Variants in SEPTIN14 observed in about 807,000 individuals in gnomAD.
The protein encoded by SEPTIN14 is septin 14.
Under a neutral mutation model 53.6 loss-of-function variants are expected in SEPTIN14, and 40 were observed. That is an observed-to-expected ratio of 0.75 (90% CI 0.58 to 0.97). The LOEUF is 0.97. SEPTIN14 is among the 50% of genes least tolerant of loss of function. The pLI is 0.00. For synonymous variants in SEPTIN14, 138 were observed against 166.8 expected, an observed-to-expected ratio of 0.83 and a Z score of 1.33; for missense variants, 471 against 508.2, an observed-to-expected ratio of 0.93 and a Z score of 0.70.
chr7:55,839,678 G>A (rs866761010), intron 5 of SEPTIN14, among the ~76,000 whole-genome samples: 4 of 152,144 alleles, frequency 2.6e-5, no homozygotes, highest in Non-Finnish European at 5.9e-5. Context: ...TTACTCCCAA[G>A]GGTGCTACTC....
At chr7:55,833,758 G>C (rs566781416) in intron 6 of SEPTIN14, among the ~76,000 whole-genome samples, 2 of 142,200 alleles carry the variant, frequency 1.4e-5, no homozygotes, top group South Asian at 4.7e-4. Flanking sequence ...GAGTTGATTT[G>C]GGGAAAAAAA....
chr7:55,819,584 G>C (rs370915551), intron 6 of SEPTIN14, among the ~76,000 whole-genome samples: 1 of 151,994 alleles, frequency 6.6e-6, no homozygotes. Flanking sequence ...GCAAGACTCC[G>C]CCACACACAC....
At chr7:55,857,791 G>C (rs1475344194) in intron 2 of SEPTIN14, among the ~76,000 whole-genome samples, 2 of 151,396 alleles carry the variant, frequency 1.3e-5, no homozygotes, top group Non-Finnish European at 2.9e-5. Context: ...GTTTCACCGT[G>C]TTAGCCAGGA....
At position 55,834,649 on chromosome 7, in the gene SEPTIN14, G is replaced by C. The variant is rs182280492; in HGVS notation, c.559-63C>G. ...TCATCTCACAGTTTTTTTGTTTTTTGTTTTTTGTTTTGAGACGGAGTCTCG... is the reference window on the plus strand; with the variant it reads ...TCATCTCACAGTTTTTTTGTTTTTTCTTTTTTGTTTTGAGACGGAGTCTCG... On this transcript the variant is annotated intron_variant, in intron 5 of 9. Coordinates refer to ENST00000388975, the MANE Select transcript of SEPTIN14 (RefSeq NM_207366.3). 398 of 1,405,786 alleles carry C rather than the reference G, an allele frequency of 2.8e-4. 1 individual carries two copies. The African/African-American group carries it at 5.1e-3, about 18-fold the overall frequency. The allele number at this position is 1,405,786 out of a possible 1,614,324, so 87.1% of individuals were successfully genotyped here. A position where few individuals can be genotyped will look rare whatever the true frequency, so the allele number is the denominator to read the frequency against.
Position 55,794,350 on chromosome 7 carries a change from G to A in SEPTIN14, c.*1563C>T, listed in dbSNP as rs1788390381. The A allele has an allele frequency of 6.6e-6, 1 of 152,164 alleles. No individual in the cohort carries two copies. The highest frequency in any genetic ancestry group is 2.4e-5 in the African/African-American group (1 of 41,440). 9.4% of individuals were successfully genotyped at this position (152,164 alleles called of 1,614,324 possible). A position where few individuals can be genotyped will look rare whatever the true frequency, so the allele number is the denominator to read the frequency against. ...CCTCAGCAATATAACTCACAAACAT[G>A]TTCAGAAGCAGTAAGAAGTTACATT... On this transcript the variant is annotated 3_prime_UTR_variant, in exon 10 of 10. Coordinates refer to ENST00000388975, the MANE Select transcript of SEPTIN14 (RefSeq NM_207366.3).
At chr7:55,822,324 G>A (rs1410342795) in intron 6 of SEPTIN14, among the ~76,000 whole-genome samples, 1 of 152,174 alleles carries the variant, frequency 6.6e-6, no homozygotes, top group East Asian at 1.9e-4. Flanking sequence ...AGATGTCAAT[G>A]TTCCATAACT....
chr7:55,809,603 T>C (rs10253956), intron 7 of SEPTIN14, among the ~76,000 whole-genome samples: 86,140 of 150,872 alleles, frequency 0.57, 25,924 homozygotes, highest in African/African-American at 0.77. Context: ...GTGATCCACG[T>C]GCCTCAGCCT....
In SEPTIN14 at chr7:55,830,188, AAAG is replaced by A. The variant is rs1789075420; in HGVS notation, c.720+4234_720+4236del. On this transcript the variant is annotated intron_variant, in intron 6 of 9. Coordinates refer to ENST00000388975, the MANE Select transcript of SEPTIN14 (RefSeq NM_207366.3). ...GCGAGACTCTGTCTCAAAAAAAAAA[AAAG>A]GACTTGCATGTTTTTTTCTTTACTC... Among the ~76,000 whole-genome samples, 4 of 150,196 alleles carry A rather than the reference AAAG, an allele frequency of 2.7e-5. No individual in the cohort carries two copies. The South Asian group carries it at 6.3e-4, about 24-fold the overall frequency.
chr7:55,848,233 C>T (rs1482066162), intron 2 of SEPTIN14, among the ~76,000 whole-genome samples: 1 of 152,156 alleles, frequency 6.6e-6, no homozygotes, highest in Non-Finnish European at 1.5e-5. Context: ...GAGATCTCGA[C>T]TCACTGCAAC....
intron 2 of SEPTIN14, among the ~76,000 whole-genome samples, chr7:55,857,545 AGGAGGGGAGG>A (rs1208210648): frequency 5.0e-5 from 3 of 60,146 alleles, no homozygotes; most frequent in African/African-American, 2.1e-4. Context: ...AAAGGAAGAG[AGGAGGGGAGG>A]GGAGGGGAGG....
chr7:55,851,900 T>C (rs924789201), intron 2 of SEPTIN14, among the ~76,000 whole-genome samples: 3 of 151,840 alleles, frequency 2.0e-5, no homozygotes, highest in African/African-American at 7.3e-5. Context: ...CCCAGCACTT[T>C]GGGAGGCTGA....
intron 6 of SEPTIN14, among the ~76,000 whole-genome samples, chr7:55,825,444 G>A (rs1313009862): frequency 1.3e-5 from 2 of 152,156 alleles, no homozygotes; most frequent in East Asian, 3.8e-4. Context: ...GACATTTGTT[G>A]AAACCCATAC....
At chr7:55,831,240 C>A (rs1165818146) in intron 6 of SEPTIN14, among the ~76,000 whole-genome samples, 1 of 151,816 alleles carries the variant, frequency 6.6e-6, no homozygotes, top group African/African-American at 2.4e-5. Flanking sequence ...AATAAAGAGT[C>A]CATTGCTAGG....
At chr7:55,839,799 G>A (rs1430686544) in intron 5 of SEPTIN14, among the ~76,000 whole-genome samples, 4 of 152,110 alleles carry the variant, frequency 2.6e-5, no homozygotes, top group Non-Finnish European at 5.9e-5. Context: ...CAACCCCCCA[G>A]TACCTCAGAA....
At chr7:55,850,042 T>C (rs1219567338) in intron 2 of SEPTIN14, among the ~76,000 whole-genome samples, 1 of 152,214 alleles carries the variant, frequency 6.6e-6, no homozygotes, top group Non-Finnish European at 1.5e-5. Context: ...CAAAGAAATC[T>C]TCAGGCCCTG....
intron 5 of SEPTIN14, among the ~76,000 whole-genome samples, chr7:55,840,698 T>C (rs1584267739): frequency 6.6e-6 from 1 of 152,134 alleles, no homozygotes; most frequent in South Asian, 2.1e-4. Context: ...GGCATTTTGA[T>C]ATCCCAGCCC....
At chr7:55,843,676 A>G (rs1412991207) in intron 4 of SEPTIN14, among the ~76,000 whole-genome samples, 1 of 152,216 alleles carries the variant, frequency 6.6e-6, no homozygotes, top group Non-Finnish European at 1.5e-5. Flanking sequence ...TGCTAAAAAT[A>G]CAAAAATTAT....
At chr7:55,837,497 A>G (rs1789232481) in intron 5 of SEPTIN14, among the ~76,000 whole-genome samples, 1 of 152,216 alleles carries the variant, frequency 6.6e-6, no homozygotes, top group Admixed American at 6.5e-5. Context: ...TTGAGGCATC[A>G]TAATTTTCCC....
chr7:55,843,193 C>A, intron 4 of SEPTIN14, 65 bp from the exon 5 acceptor site: 1 of 969,428 alleles, frequency 1.0e-6, no homozygotes, highest in Non-Finnish European at 1.5e-6. Flanking sequence ...TTTTTGACCA[C>A]TTAATGAGCA....
Sources: gnomAD v4.1 joint callset for allele counts (sites outside exome capture counted in the v4.1 genomes callset) on GRCh38, gnomAD v4.1.1 for gene constraint, MANE v1.5 for transcripts, NCBI Gene and HGNC (gene_info 2026-07-23, HGNC 2026-07-21) for gene names.